PTN: variants seen among roughly 807,000 people sequenced by gnomAD.
PTN encodes heparin affin regulatory protein.
In PTN, 18 loss-of-function variants were observed where a neutral mutation model predicts 24.1. That is an observed-to-expected ratio of 0.75 (90% confidence interval 0.52 to 1.11). The LOEUF (loss-of-function observed/expected upper bound fraction) is 1.11. Ranked by LOEUF, PTN falls within the 50% of genes least tolerant of loss-of-function variation. PTN has a pLI of 0.00. For synonymous variants in PTN, 78 were observed against 68.6 expected (o/e 1.14, Z -0.67); for missense variants, 163 against 198.8 (o/e 0.82, Z 1.08).
At chr7:137,306,380 G>A (rs1809888600) in intron 1 of PTN, among the ~76,000 whole-genome samples, 1 of 151,980 alleles carries the variant, frequency 6.6e-6, no homozygotes, top group Admixed American at 6.6e-5. Context: ...TGGGAGGGAG[G>A]GTAGAAAGAA....
At chr7:137,253,408 G>C (rs1002382013) in intron 3 of PTN, 56 bp downstream of exon 3, 2 of 1,480,174 alleles carry the variant, frequency 1.4e-6, no homozygotes, top group African/African-American at 1.4e-5. Context: ...ACATTTGGTG[G>C]AAAAATTTGA....
At chr7:137,341,329 C>G (rs1810530180) in intron 1 of PTN, among the ~76,000 whole-genome samples, 1 of 151,930 alleles carries the variant, frequency 6.6e-6, no homozygotes, top group African/African-American at 2.4e-5. Flanking sequence ...TGAAAATGCT[C>G]ATTAAAAAGA....
chr7:137,277,905 TGATA>T (rs71533741), intron 1 of PTN, among the ~76,000 whole-genome samples: 2 of 592 alleles, frequency 3.4e-3, no homozygotes, highest in East Asian at 0.062. Context: ...ATAGATGAGA[TGATA>T]GATAGATAGA....
chr7:137,238,695 CTT>C lies in PTN; in HGVS notation c.452-10622_452-10621del, dbSNP rs763318109. 3.9e-5 allele frequency among the ~76,000 whole-genome samples: 6 copies of C among 152,264 alleles called. No homozygotes were observed. The East Asian group carries it at 1.2e-3, about 29-fold the overall frequency. On this transcript the variant is annotated intron_variant, in intron 4 of 4. Transcript: ENST00000348225. ...GACTGATCATTCACTGTCTGGGTAA[CTT>C]TGTGCAAGTTGCAACCTTAGTGTGT...
intron 1 of PTN, among the ~76,000 whole-genome samples, chr7:137,331,752 A>G (rs567291444): frequency 6.6e-6 from 1 of 152,316 alleles, no homozygotes; most frequent in South Asian, 2.1e-4. Flanking sequence ...GGGTGGGACC[A>G]GGCAGCTGTG....
At chr7:137,288,777 T>G (rs1274077311) in intron 1 of PTN, among the ~76,000 whole-genome samples, 1 of 152,136 alleles carries the variant, frequency 6.6e-6, no homozygotes, top group African/African-American at 2.4e-5. Flanking sequence ...AAGTTATACA[T>G]AACGTATTCA....
At chr7:137,318,075 T>G (rs1810102967) in intron 1 of PTN, among the ~76,000 whole-genome samples, 1 of 152,190 alleles carries the variant, frequency 6.6e-6, no homozygotes, top group African/African-American at 2.4e-5. Context: ...GAGACCAGCC[T>G]GACCAATATA....
At chr7:137,276,350 C>T (rs1440375789) in intron 1 of PTN, among the ~76,000 whole-genome samples, 4 of 152,218 alleles carry the variant, frequency 2.6e-5, no homozygotes, top group South Asian at 2.1e-4. Flanking sequence ...AACTGCAGAA[C>T]GTGCTGGGAA....
At chr7:137,248,349 A>G (rs1808760597) in intron 4 of PTN, among the ~76,000 whole-genome samples, 2 of 152,074 alleles carry the variant, frequency 1.3e-5, no homozygotes, top group African/African-American at 4.8e-5. Flanking sequence ...CCCTACAAAG[A>G]TTTTATATCT....
chr7:137,255,863 T>A lies in PTN; in HGVS notation c.-1-889A>T, dbSNP rs1486632563. Among the ~76,000 whole-genome samples the A allele has an allele frequency of 2.0e-5, 3 of 152,226 alleles. No individual in the cohort carries two copies. The East Asian group carries it at 5.8e-4, about 29-fold the overall frequency. On this transcript the variant is annotated intron_variant, in intron 1 of 4. Transcript: ENST00000348225. ...ACTTCCCAATGGCTACACCATATCA[T>A]GGCTGCAGCAACTTGCCTGGCAGTT...
chr7:137,341,946 G>C (rs906156511), intron 1 of PTN, among the ~76,000 whole-genome samples: 5 of 151,774 alleles, frequency 3.3e-5, no homozygotes, highest in Non-Finnish European at 5.9e-5. Flanking sequence ...TGTCCCAAAG[G>C]AAGAAAAAAA....
Position 137,253,616 on chromosome 7 carries a change from T to C in PTN, c.137A>G (p.Asp46Gly). 6.5e-7 allele frequency: 1 copy of C among 1,548,104 alleles called. No individual in the cohort carries two copies. Among genetic ancestry groups the C allele is most frequent in the Non-Finnish European group, 8.8e-7 (1 of 1,142,644 alleles). The change falls in exon 3 of 5, where the codon GAC becomes GGC. Residue 46 changes from aspartate (D) to glycine (G), a missense_variant. Transcript: ENST00000348225. ...CACACTCCACTGCCATTCTCCACAG[T>C]CAGACTTCTTCACTTTTTTTTCTGA... The part of the protein sequence containing the change: ...EKPEKKVKKS[D>G]CGEWQWSVCV...
At chr7:137,338,375 C>T (rs777161427) in intron 1 of PTN, among the ~76,000 whole-genome samples, 7 of 152,148 alleles carry the variant, frequency 4.6e-5, no homozygotes, top group Non-Finnish European at 8.8e-5. Context: ...GTTTCTGCTA[C>T]GTTATGTGGC....
intron 1 of PTN, among the ~76,000 whole-genome samples, chr7:137,289,407 C>A (rs1389105515): frequency 6.6e-6 from 1 of 152,172 alleles, no homozygotes; most frequent in Non-Finnish European, 1.5e-5. Flanking sequence ...CCCAAGAACA[C>A]ACGACTTCTC....
chr7:137,275,267 A>G (rs1809342793), intron 1 of PTN, among the ~76,000 whole-genome samples: 1 of 152,238 alleles, frequency 6.6e-6, no homozygotes, highest in African/African-American at 2.4e-5. Flanking sequence ...AGAATAATCT[A>G]AAGTTTCAGG....
intron 1 of PTN, among the ~76,000 whole-genome samples, chr7:137,314,600 T>TTC (rs1322287656): frequency 7.4e-6 from 1 of 135,252 alleles, no homozygotes; most frequent in Non-Finnish European, 1.6e-5. Context: ...CATGATGCTT[T>TTC]TTTTTTTTTT....
intron 1 of PTN, among the ~76,000 whole-genome samples, chr7:137,289,480 G>A (rs1455287096): frequency 1.3e-5 from 2 of 152,170 alleles, no homozygotes; most frequent in Non-Finnish European, 2.9e-5. Context: ...ATGACATTAA[G>A]GTTCCAAATC....
At chr7:137,322,078 C>T (rs1810171865) in intron 1 of PTN, among the ~76,000 whole-genome samples, 1 of 152,144 alleles carries the variant, frequency 6.6e-6, no homozygotes, top group Non-Finnish European at 1.5e-5. Flanking sequence ...ACCCCTCCTT[C>T]CCTCGTACGT....
rs576910621 is a variant in PTN, at chr7:137,244,178, T to C, written c.451+7052A>G. On this transcript the variant is annotated intron_variant, in intron 4 of 4. Coordinates refer to ENST00000348225, the MANE Select transcript of PTN (RefSeq NM_002825.7). ...CCAATTTATCCCTGCCAGACTCTGG[T>C]AATCATTAAGCAAATTCCAGCTACA... 4.9e-4 allele frequency among the ~76,000 whole-genome samples: 74 copies of C among 152,240 alleles called. 1 individual carries two copies. In the South Asian group the frequency reaches 8.7e-3, roughly 18 times the overall value.
Sources: allele counts gnomAD v4.1 joint callset (sites outside exome capture counted in the v4.1 genomes callset), GRCh38; gene constraint gnomAD v4.1.1; transcripts MANE v1.5; gene names NCBI Gene and HGNC (gene_info 2026-07-23, HGNC 2026-07-21).